Variants in CELF4 observed in about 807,000 individuals in gnomAD.
CELF4 encodes the protein CUG-BP- and ETR-3-like factor 4.
A neutral mutation model predicts 59.9 loss-of-function variants in CELF4; 18 were observed. The observed-to-expected ratio is 0.30, with a 90% CI of 0.21 to 0.45. CELF4 has a LOEUF of 0.45. CELF4 is among the 20% of genes least tolerant of loss of function. CELF4 has a pLI of 1.00. For synonymous variants in CELF4, 261 were observed against 267.1 expected (o/e 0.98, Z 0.22); for missense variants, 456 against 689.0 (o/e 0.66, Z 3.79).
At chr18:37,286,237 A>G (rs2094748216) in intron 3 of CELF4, among the ~76,000 whole-genome samples, 1 of 152,204 alleles carries the variant, frequency 6.6e-6, no homozygotes, top group African/African-American at 2.4e-5. Context: ...CACAAATGCT[A>G]GGGAAGAAAT....
At chr18:37,459,858 A>G (rs1447226018) in intron 2 of CELF4, among the ~76,000 whole-genome samples, 3 of 152,126 alleles carry the variant, frequency 2.0e-5, no homozygotes, top group Admixed American at 6.5e-5. Context: ...CAACACACCA[A>G]CTTGTTTTTT....
intron 2 of CELF4, 102 bp from the exon 3 acceptor site, chr18:37,321,983 A>G: frequency 1.3e-6 from 1 of 792,426 alleles, no homozygotes; most frequent in Middle Eastern, 2.4e-4. Context: ...TACAGACTGC[A>G]CCCACAGACA....
At chr18:37,543,008 T>A (rs2099978894) in intron 1 of CELF4, among the ~76,000 whole-genome samples, 1 of 151,986 alleles carries the variant, frequency 6.6e-6, no homozygotes, top group Non-Finnish European at 1.5e-5. Flanking sequence ...CACACCCACC[T>A]CCATTTTAAC....
chr18:37,533,540 A>C (rs541381121), intron 1 of CELF4, among the ~76,000 whole-genome samples: 1 of 152,360 alleles, frequency 6.6e-6, no homozygotes, highest in East Asian at 1.9e-4. Context: ...CATAAAGCAG[A>C]TGAATTAAAG....
In CELF4 at chr18:37,263,382, A is replaced by G. The variant is rs563174036; in HGVS notation, c.1249+1292T>C. ...TTGAGGCTCTTTCCAGGACTAACCTACATCGGAGGGCTCCAGGACACTATG... is the reference window on the plus strand; with the variant it reads ...TTGAGGCTCTTTCCAGGACTAACCTGCATCGGAGGGCTCCAGGACACTATG... On this transcript the variant is annotated intron_variant, in intron 10 of 12. Coordinates refer to ENST00000420428, the MANE Select transcript of CELF4 (RefSeq NM_020180.4). 2.7e-4 allele frequency among the ~76,000 whole-genome samples: 41 copies of G among 152,116 alleles called. 1 individual carries two copies. Among genetic ancestry groups the G allele is most frequent in the Non-Finnish European group, 3.5e-4 (24 of 68,008 alleles).
intron 1 of CELF4, among the ~76,000 whole-genome samples, chr18:37,530,536 ACTCCCCCTACCCCCTGC>A: frequency 6.6e-6 from 1 of 151,188 alleles, no homozygotes; most frequent in Non-Finnish European, 1.5e-5. Context: ...GTATTTCCCC[ACTCCCCCTACCCCCTGC>A]CACCCCAGCT....
chr18:37,413,655 T>C (rs1015192506), intron 2 of CELF4, among the ~76,000 whole-genome samples: 1 of 152,188 alleles, frequency 6.6e-6, no homozygotes, highest in South Asian at 2.1e-4. Flanking sequence ...GCTGGTTGAG[T>C]CCTGAGAGGG....
intron 2 of CELF4, among the ~76,000 whole-genome samples, chr18:37,385,069 G>A (rs2099084113): frequency 6.6e-6 from 1 of 152,190 alleles, no homozygotes; most frequent in African/African-American, 2.4e-5. Context: ...TCACTAGGCT[G>A]GGCGTGGTGG....
chr18:37,254,821 G>A lies in CELF4; in HGVS notation c.1334-883C>T, dbSNP rs1015220836. On this transcript the variant is annotated intron_variant, in intron 11 of 12. Coordinates refer to ENST00000420428, the MANE Select transcript of CELF4 (RefSeq NM_020180.4). The surrounding 1 kb of genome is among the most constrained non-coding windows in gnomAD (Gnocchi z 5.1). ...TGGGCACAGGTCATGTTCCCAAAAT[G>A]AGGTCAGAAGTCACCTTTGGGGAAC... is the stretch of plus-strand genomic sequence containing the variant. 2.0e-5 allele frequency among the ~76,000 whole-genome samples: 3 copies of A among 152,226 alleles called. No homozygotes were observed. The highest frequency in any genetic ancestry group is 4.4e-5 in the Non-Finnish European group (3 of 68,040).
At chr18:37,270,369 T>C (rs189502635) in intron 8 of CELF4, among the ~76,000 whole-genome samples, 1 of 152,118 alleles carries the variant, frequency 6.6e-6, no homozygotes, top group East Asian at 1.9e-4. Context: ...TCCCAAAGAG[T>C]CTTTTCCTAC....
chr18:37,520,686 T>C, intron 1 of CELF4, among the ~76,000 whole-genome samples: 1 of 152,128 alleles, frequency 6.6e-6, no homozygotes, highest in East Asian at 1.9e-4. Flanking sequence ...CCCTGAGGCC[T>C]ATGAAGGCTT....
rs77195152 is a variant in CELF4 at position 37,524,049 on chromosome 18, C to T, written c.287-38442G>A. Among the ~76,000 whole-genome samples, 1,362 of 152,318 alleles carry T rather than the reference C, an allele frequency of 8.9e-3. 39 individuals carry two copies. Among genetic ancestry groups the T allele is most frequent in the East Asian group, 0.081 (417 of 5,174 alleles). On this transcript the variant is annotated intron_variant, in intron 1 of 12. Coordinates refer to ENST00000420428, the MANE Select transcript of CELF4 (RefSeq NM_020180.4). ...GATATCCCAGAGAGACACTGTGCTC[C>T]GCACCCATGGAGCCTCCAAGGAGGT... is the stretch of plus-strand genomic sequence containing the variant.
chr18:37,378,047 G>C (rs139224365), intron 2 of CELF4, among the ~76,000 whole-genome samples: 7 of 152,092 alleles, frequency 4.6e-5, no homozygotes, highest in Non-Finnish European at 8.8e-5. Flanking sequence ...CAGGAGCCTC[G>C]TGCTGGGTAG....
At chr18:37,343,608 G>A (rs111321228) in intron 2 of CELF4, among the ~76,000 whole-genome samples, 1 of 151,866 alleles carries the variant, frequency 6.6e-6, no homozygotes, top group East Asian at 1.9e-4. Flanking sequence ...TGTATATGTG[G>A]GGGTGCGTGT....
At chr18:37,461,317 T>A (rs1205711051) in intron 2 of CELF4, among the ~76,000 whole-genome samples, 1 of 152,202 alleles carries the variant, frequency 6.6e-6, no homozygotes, top group African/African-American at 2.4e-5. Context: ...GAGGTTTAAT[T>A]GACTGGCAGT....
At chr18:37,286,820 C>T (rs1390840841) in intron 3 of CELF4, among the ~76,000 whole-genome samples, 5 of 152,082 alleles carry the variant, frequency 3.3e-5, no homozygotes, top group African/African-American at 7.2e-5. Flanking sequence ...GGGAGTGGGT[C>T]TTCAGAGGCC....
At chr18:37,431,309 C>A (rs549678627) in intron 2 of CELF4, among the ~76,000 whole-genome samples, 1 of 151,328 alleles carries the variant, frequency 6.6e-6, no homozygotes, top group African/African-American at 2.4e-5. Flanking sequence ...GGCTTATCAT[C>A]TCCTCATTTT....
chr18:37,490,457 G>A (rs1603642530), intron 1 of CELF4, among the ~76,000 whole-genome samples: 1 of 152,322 alleles, frequency 6.6e-6, no homozygotes, highest in South Asian at 2.1e-4. Flanking sequence ...CCGACAGGAT[G>A]CAGGGCCCAT....
intron 2 of CELF4, among the ~76,000 whole-genome samples, chr18:37,402,011 G>T (rs1259181446): frequency 6.6e-6 from 1 of 152,174 alleles, no homozygotes; most frequent in Admixed American, 6.5e-5. Context: ...ACCTAACGTT[G>T]AGTATGCCAT....
Sources: gnomAD v4.1 joint callset for allele counts (sites outside exome capture counted in the v4.1 genomes callset) on GRCh38, gnomAD v4.1.1 for gene constraint, Gnocchi (gnomAD v3.1) non-coding constraint, MANE v1.5 for transcripts, NCBI Gene and HGNC (gene_info 2026-07-23, HGNC 2026-07-21) for gene names.